Variants in RB1 observed in about 807,000 individuals in gnomAD.
RB1 encodes retinoblastoma-associated protein.
In RB1, 18 loss-of-function variants were observed where a neutral mutation model predicts 135.4. The observed-to-expected ratio is 0.13, with a 90% CI of 0.09 to 0.20. The LOEUF is 0.20. RB1 is among the 10% of genes least tolerant of loss of function. The pLI, the probability that RB1 is intolerant of heterozygous loss-of-function variation, is 1.00. For missense variants in RB1, 868 were observed against 1,110.0 expected (o/e 0.78, Z 3.10); for synonymous variants, 365 against 373.2 (o/e 0.98, Z 0.25).
rs1408293184 is a variant in RB1, at chr13:48,329,094, A to G, written c.265-13505A>G. Among the ~76,000 whole-genome samples, 4 of 152,176 alleles carry G rather than the reference A, an allele frequency of 2.6e-5. No homozygotes were observed. In the East Asian group the frequency reaches 7.7e-4, roughly 29 times the overall value. On this transcript the variant is annotated intron_variant, in intron 2 of 26. Coordinates refer to ENST00000267163, the MANE Select transcript of RB1 (RefSeq NM_000321.3). ...TTATGTATTCAACTATAAACATTTA[A>G]TCAAGTTTATGAGACCTAGATATTT...
chr13:48,376,334 C>T (rs187981192), intron 12 of RB1, among the ~76,000 whole-genome samples: 1 of 152,120 alleles, frequency 6.6e-6, no homozygotes, highest in African/African-American at 2.4e-5. Context: ...AACCCCATCT[C>T]TACTAAAGAG....
chr13:48,346,515 G>C (rs1390593561), intron 4 of RB1, among the ~76,000 whole-genome samples: 1 of 131,104 alleles, frequency 7.6e-6, no homozygotes, highest in Non-Finnish European at 1.6e-5. Flanking sequence ...ATTTTAATAT[G>C]ATCCTAAATA....
At chr13:48,352,156 C>T (rs1952554009) in intron 6 of RB1, among the ~76,000 whole-genome samples, 1 of 152,102 alleles carries the variant, frequency 6.6e-6, no homozygotes, top group Admixed American at 6.5e-5. Flanking sequence ...GGTGTGCAAC[C>T]TTATTTCTGG....
intron 1 of RB1, among the ~76,000 whole-genome samples, chr13:48,304,344 C>G (rs1952059134): frequency 6.6e-6 from 1 of 152,084 alleles, no homozygotes; most frequent in South Asian, 2.1e-4. Context: ...GGCAGAGGGT[C>G]GTTGCGAGCG....
intron 6 of RB1, among the ~76,000 whole-genome samples, chr13:48,349,918 T>C (rs190413530): frequency 6.6e-6 from 1 of 152,066 alleles, no homozygotes; most frequent in Admixed American, 6.6e-5. Context: ...AAAATAGATT[T>C]CAAGAACAAA....
chr13:48,329,496 G>A (rs1488303143), intron 2 of RB1, among the ~76,000 whole-genome samples: 1 of 152,134 alleles, frequency 6.6e-6, no homozygotes, highest in African/African-American at 2.4e-5. Flanking sequence ...TGCTATTTTA[G>A]TTATTGTAGC....
At chr13:48,343,574 C>T (rs1044497749) in intron 3 of RB1, among the ~76,000 whole-genome samples, 10 of 152,134 alleles carry the variant, frequency 6.6e-5, no homozygotes, top group Admixed American at 1.3e-4. Flanking sequence ...ACCACAGGCA[C>T]TCACTGCTTC....
At position 48,423,702 on chromosome 13, in the gene RB1, A is replaced by G. The variant is rs181989784; in HGVS notation, c.1696-29291A>G. On this transcript the variant is annotated intron_variant, in intron 17 of 26. Transcript: ENST00000267163. ...CAAAAAGAAAAAAGAAAAAAATCAA[A>G]TGAGAGAGTATGTGAGACTTAAAAC... is the stretch of plus-strand genomic sequence containing the variant. Among the ~76,000 whole-genome samples, 365 of 152,364 alleles carry G rather than the reference A, an allele frequency of 2.4e-3. 2 individuals are homozygous for G. The highest frequency in any genetic ancestry group is 3.6e-3 in the Non-Finnish European group (248 of 68,040).
At chr13:48,321,621 C>T (rs1004306953) in intron 2 of RB1, among the ~76,000 whole-genome samples, 10 of 151,984 alleles carry the variant, frequency 6.6e-5, no homozygotes, top group African/African-American at 1.7e-4. Flanking sequence ...TTTCGGAAGC[C>T]AAGGCGGGTG....
intron 2 of RB1, chr13:48,317,833 C>T (rs923791848): frequency 5.4e-6 from 2 of 369,998 alleles, no homozygotes; most frequent in African/African-American, 4.2e-5. Flanking sequence ...CGTGCACACG[C>T]CAGGCGGTGG....
At position 48,319,636 on chromosome 13, in the gene RB1, T is replaced by C. The variant is rs1952217138; in HGVS notation, c.264+12230T>C. The C allele has an allele frequency of 1.1e-5, 3 of 261,290 alleles. No homozygotes were observed. The highest frequency in any genetic ancestry group is 3.7e-5 in the Admixed American group (1 of 26,910). 16.2% of individuals were successfully genotyped at this position (261,290 alleles called of 1,614,324 possible). On this transcript the variant is annotated intron_variant, in intron 2 of 26. Transcript: ENST00000267163. The surrounding 1 kb of genome is among the most constrained non-coding windows in gnomAD (Gnocchi z 5.0). ...GGAGGTTTGCGAAAGGCGAACTCTT[T>C]ATGGGCGCCCTTCAGACCCTGCCGA...
chr13:48,428,516 C>G (rs1336937599), intron 17 of RB1, among the ~76,000 whole-genome samples: 1 of 152,064 alleles, frequency 6.6e-6, no homozygotes, highest in Non-Finnish European at 1.5e-5. Flanking sequence ...ACATTGAAAC[C>G]ATATCAGACA....
chr13:48,305,938 A>G (rs567177893), intron 1 of RB1, among the ~76,000 whole-genome samples: 1 of 152,310 alleles, frequency 6.6e-6, no homozygotes, highest in South Asian at 2.1e-4. Context: ...GTCACTAGGA[A>G]CAGCATACCA....
At chr13:48,388,579 A>G (rs1948587941) in intron 17 of RB1, among the ~76,000 whole-genome samples, 1 of 152,186 alleles carries the variant, frequency 6.6e-6, no homozygotes, top group African/African-American at 2.4e-5. Context: ...AAAGTTTAAT[A>G]ACTTGCCCTA....
At chr13:48,466,540 G>A (rs952246721) in intron 23 of RB1, among the ~76,000 whole-genome samples, 2 of 152,078 alleles carry the variant, frequency 1.3e-5, no homozygotes, top group East Asian at 1.9e-4. Flanking sequence ...CACCAGCAAC[G>A]GAACAAAGTT....
intron 17 of RB1, among the ~76,000 whole-genome samples, chr13:48,422,479 C>T (rs1277457774): frequency 2.0e-5 from 3 of 152,124 alleles, no homozygotes; most frequent in Admixed American, 6.6e-5. Flanking sequence ...CAAACCTGCA[C>T]GTTCTGCACA....
chr13:48,328,208 T>TG, intron 2 of RB1: 1 of 1,470,984 alleles, frequency 6.8e-7, no homozygotes, highest in Non-Finnish European at 9.5e-7. Context: ...GTGTATCCCT[T>TG]GCAATATTCT....
intron 17 of RB1, among the ~76,000 whole-genome samples, chr13:48,429,003 A>G (rs1275169126): frequency 6.6e-6 from 1 of 152,176 alleles, no homozygotes; most frequent in African/African-American, 2.4e-5. Context: ...GTGGCTATAA[A>G]GCTATTCTCT....
intron 2 of RB1, among the ~76,000 whole-genome samples, chr13:48,336,869 CT>C (rs1952390149): frequency 6.6e-6 from 1 of 152,126 alleles, no homozygotes; most frequent in Admixed American, 6.5e-5. Context: ...CCCAGAGATT[CT>C]GGTATGTTGT....
Sources: allele counts gnomAD v4.1 joint callset (sites outside exome capture counted in the v4.1 genomes callset), GRCh38; gene constraint gnomAD v4.1.1; non-coding constraint Gnocchi (gnomAD v3.1); transcripts MANE v1.5; gene names NCBI Gene and HGNC (gene_info 2026-07-23, HGNC 2026-07-21).